The following DMD variants were observed in gnomAD, a reference collection of about 807,000 sequenced individuals.
DMD encodes the protein dystrophin.
Under a neutral mutation model 330.1 loss-of-function variants are expected in DMD, and 63 were observed. The ratio of observed to expected loss-of-function variants is 0.19; its 90% CI spans 0.16 to 0.24. The LOEUF (loss-of-function observed/expected upper bound fraction) is 0.24. DMD is among the 10% of genes least tolerant of loss of function. The pLI is 1.00. For missense variants in DMD, 3,344 were observed against 2,684.1 expected (o/e 1.25, Z -5.43); for synonymous variants, 1,223 against 959.8 (o/e 1.27, Z -5.07).
intron 29 of DMD, among the ~76,000 whole-genome samples, chrX:32,431,046 A>G (rs1464768561): frequency 9.0e-6 from 1 of 111,712 alleles, no homozygotes; most frequent in East Asian, 2.8e-4. Context: ...TCTCCTTGTG[A>G]TTCTCATTCA....
chrX:33,090,050 G>A (rs2095063754), intron 1 of DMD, among the ~76,000 whole-genome samples: 1 of 111,510 alleles, frequency 9.0e-6, no homozygotes, highest in African/African-American at 3.2e-5. Flanking sequence ...TTCCATAGAT[G>A]TAAACTTTAA....
At chrX:31,579,797 T>C (rs2076261445) in intron 55 of DMD, among the ~76,000 whole-genome samples, 2 of 112,558 alleles carry the variant, frequency 1.8e-5, no homozygotes, top group South Asian at 3.7e-4. Flanking sequence ...ATAAACTTAC[T>C]GGCCTAAAAC....
At chrX:31,310,910 T>C (rs1034288635) in intron 62 of DMD, among the ~76,000 whole-genome samples, 1 of 110,994 alleles carries the variant, frequency 9.0e-6, no homozygotes, top group Non-Finnish European at 1.9e-5. Flanking sequence ...TTATTTATCT[T>C]CAAAAACATA....
intron 2 of DMD, among the ~76,000 whole-genome samples, chrX:33,004,217 C>T (rs2093348159): frequency 8.9e-6 from 1 of 112,099 alleles, no homozygotes; most frequent in South Asian, 3.6e-4. Flanking sequence ...TGTAACTCTA[C>T]AAGCATAAAG....
chrX:32,252,665 TATATATATATAA>T lies in DMD; in HGVS notation c.6290+34852_6290+34863del, dbSNP rs1268945638. Among the ~76,000 whole-genome samples, 124 of 42,773 alleles carry T rather than the reference TATATATATATAA, an allele frequency of 2.9e-3. 10 individuals are homozygous for T. The East Asian group carries it at 0.075, about 26-fold the overall frequency. 37.1% of individuals were successfully genotyped at this position (42,773 alleles called of 115,157 possible). On this transcript the variant is annotated intron_variant, in intron 43 of 78. Transcript: ENST00000357033. ...ATATATATAAATACAAATATATAAA[TATATATATATAA>T]ATATATAAATATATATATAAATATA...
At chrX:32,443,738 TA>T (rs1259582159) in intron 27 of DMD, among the ~76,000 whole-genome samples, 1 of 111,182 alleles carries the variant, frequency 9.0e-6, no homozygotes, top group Non-Finnish European at 1.9e-5. Context: ...GAATTGGAGC[TA>T]AAAGCCACTT....
At chrX:32,361,846 T>C (rs939788456) in intron 37 of DMD, among the ~76,000 whole-genome samples, 9 of 111,673 alleles carry the variant, frequency 8.1e-5, no homozygotes, top group African/African-American at 2.9e-4. Flanking sequence ...AGATTATTTC[T>C]AACAATTATC....
chrX:33,243,722 T>C (rs902787558), intron 1 of DMD, among the ~76,000 whole-genome samples: 3 of 112,355 alleles, frequency 2.7e-5, no homozygotes, highest in Non-Finnish European at 5.6e-5. Context: ...AATAAAATCA[T>C]GTCTTTTGCA....
intron 50 of DMD, among the ~76,000 whole-genome samples, chrX:31,782,251 T>C (rs1422414238): frequency 3.6e-5 from 4 of 111,325 alleles, no homozygotes; most frequent in Non-Finnish European, 7.5e-5. Context: ...CCATAGTCTG[T>C]TTCTCCACTC....
chrX:32,731,189 C>G (rs1041561614), intron 7 of DMD, among the ~76,000 whole-genome samples: 1 of 112,260 alleles, frequency 8.9e-6, no homozygotes, highest in Non-Finnish European at 1.9e-5. Flanking sequence ...CACCCGAATA[C>G]TGCGTGTTTC....
intron 64 of DMD, among the ~76,000 whole-genome samples, chrX:31,220,182 T>C (rs1319586701): frequency 9.0e-6 from 1 of 111,526 alleles, no homozygotes; most frequent in Non-Finnish European, 1.9e-5. Flanking sequence ...TCTTAGAACA[T>C]ATCCCCATTG....
chrX:31,881,282 G>T (rs914596669), intron 47 of DMD, among the ~76,000 whole-genome samples: 4 of 109,925 alleles, frequency 3.6e-5, no homozygotes, highest in Non-Finnish European at 7.6e-5. Flanking sequence ...GCCAGGCGCG[G>T]TGGCTCACGC....
intron 7 of DMD, among the ~76,000 whole-genome samples, chrX:32,783,580 T>C (rs2075084894): frequency 1.8e-5 from 2 of 110,454 alleles, no homozygotes; most frequent in African/African-American, 6.6e-5. Flanking sequence ...ATAATTTATC[T>C]ATATAACAAA....
At chrX:32,666,362 T>G (rs1238408493) in intron 9 of DMD, among the ~76,000 whole-genome samples, 2 of 110,373 alleles carry the variant, frequency 1.8e-5, no homozygotes, top group African/African-American at 6.6e-5. Context: ...ACCCTTGCCC[T>G]CCACTCCCAG....
chrX:32,306,657 C>T (rs191012707), intron 42 of DMD, among the ~76,000 whole-genome samples: 2 of 110,115 alleles, frequency 1.8e-5, no homozygotes, highest in Admixed American at 1.9e-4. Flanking sequence ...TGTTTCTCTC[C>T]TTATTTTATT....
chrX:31,944,663 C>CTTTTTTTTTTTTTTTTTTTGT (rs1176678451), intron 45 of DMD, among the ~76,000 whole-genome samples: 1 of 81,535 alleles, frequency 1.2e-5, no homozygotes, highest in African/African-American at 4.6e-5. Context: ...TTTTGTTCTG[C>CTTTTTTTTTTTTTTTTTTTGT]TTTTTTTTTT....
chrX:31,466,585 T>C (rs139562522), intron 59 of DMD, among the ~76,000 whole-genome samples: 2,250 of 111,880 alleles, frequency 0.02, 58 homozygotes, highest in African/African-American at 0.068. Flanking sequence ...TAGTTTGAAG[T>C]CAGGTAGCAT....
intron 9 of DMD, among the ~76,000 whole-genome samples, chrX:32,671,601 T>A (rs999014644): frequency 3.6e-5 from 4 of 112,207 alleles, no homozygotes; most frequent in African/African-American, 1.3e-4. Flanking sequence ...TCCATTAAAA[T>A]GTAAAAGTCA....
At chrX:33,231,534 G>A (rs1291875779) in intron 1 of DMD, among the ~76,000 whole-genome samples, 1 of 111,763 alleles carries the variant, frequency 8.9e-6, no homozygotes, top group Non-Finnish European at 1.9e-5. Flanking sequence ...TATCAGCCAT[G>A]TCCCTGGCAA....
Sources: gnomAD v4.1 joint callset for allele counts (sites outside exome capture counted in the v4.1 genomes callset) on GRCh38, gnomAD v4.1.1 for gene constraint, MANE v1.5 for transcripts, NCBI Gene and HGNC (gene_info 2026-07-23, HGNC 2026-07-21) for gene names.